The following EMC3 variants were observed in gnomAD, a reference collection of about 807,000 sequenced individuals.
The protein encoded by EMC3 is 30 kDa protein.
A neutral mutation model predicts 36.6 loss-of-function variants in EMC3; 13 were observed. The ratio of observed to expected loss-of-function variants is 0.35; its 90% CI spans 0.23 to 0.56. EMC3 has a LOEUF of 0.56. EMC3 is among the 20% of genes least tolerant of loss of function. EMC3 has a pLI of 0.84. For synonymous variants in EMC3, 120 were observed against 111.9 expected (o/e 1.07, Z -0.46); for missense variants, 220 against 324.5 (o/e 0.68, Z 2.47).
intron 5 of EMC3, among the ~76,000 whole-genome samples, chr3:9,971,634 T>C (rs1407124406): frequency 1.3e-5 from 2 of 152,208 alleles, no homozygotes; most frequent in Non-Finnish European, 2.9e-5. Flanking sequence ...TGAGAAAAGA[T>C]AAATAAGCTT....
chr3:10,005,105 C>G (rs1173148392), intron 1 of EMC3: 1 of 152,216 alleles, frequency 6.6e-6, no homozygotes, highest in East Asian at 1.9e-4. Flanking sequence ...AAATATCATT[C>G]AGCTCTTCCA....
chr3:9,997,032 A>G (rs1181398536), intron 1 of EMC3, among the ~76,000 whole-genome samples: 3 of 152,108 alleles, frequency 2.0e-5, no homozygotes, highest in Admixed American at 2.0e-4. Context: ...ATCCATTTCT[A>G]GAACTTCTGA....
chr3:9,969,877 C>T (rs2085768051), intron 6 of EMC3, 76 bp from the exon 7 acceptor site: 2 of 1,576,442 alleles, frequency 1.3e-6, no homozygotes, highest in African/African-American at 1.3e-5. Context: ...GAATGGGCTT[C>T]ACACAGATTA....
At position 9,974,451 on chromosome 3, in the gene EMC3, T is replaced by C; in HGVS notation, c.345A>G (p.Val115=). 6.2e-7 allele frequency: 1 copy of C among 1,613,660 alleles called. No individual in the cohort carries two copies. Among genetic ancestry groups the C allele is most frequent in the Non-Finnish European group, 8.5e-7 (1 of 1,179,528 alleles). The change falls in exon 4 of 8, where the codon GTA becomes GTG. Residue 115 remains valine (V), a synonymous_variant. Coordinates refer to ENST00000245046, the MANE Select transcript of EMC3 (RefSeq NM_001394674.1). ...TAAGAATCATAGGGAGGACATTTGT[T>C]ACATTCCCTTTCATCATGTCTGTCA... ...TMLTDMMKGN[V]TNVLPMILIG... is the part of the protein sequence containing the mutation.
intron 3 of EMC3, among the ~76,000 whole-genome samples, chr3:9,974,837 C>T (rs963121513): frequency 6.9e-5 from 9 of 131,044 alleles, no homozygotes; most frequent in South Asian, 2.7e-4. Context: ...GGATTACAGG[C>T]GGGAGCCACC....
chr3:9,987,296 C>G, upstream of EMC3: 1 of 985,274 alleles, frequency 1.0e-6, no homozygotes, highest in Non-Finnish European at 1.2e-6. Flanking sequence ...CGTAGTCTCT[C>G]GAGGCCCCGC....
At chr3:10,003,660 CAG>C (rs1249771965) in intron 1 of EMC3, 1 of 200,980 alleles carries the variant, frequency 5.0e-6, no homozygotes, top group Non-Finnish European at 1.0e-5. Context: ...CATCACTCTC[CAG>C]AGAGTGATAA....
At chr3:9,978,590 G>A (rs192794851) in intron 1 of EMC3, among the ~76,000 whole-genome samples, 423 of 152,224 alleles carry the variant, frequency 2.8e-3, no homozygotes, top group Non-Finnish European at 4.8e-3. Flanking sequence ...CCAGCACTTT[G>A]GGAGGCCGAG....
At chr3:9,966,159 C>T (rs2085734552) in intron 7 of EMC3, among the ~76,000 whole-genome samples, 1 of 151,872 alleles carries the variant, frequency 6.6e-6, no homozygotes, top group East Asian at 1.9e-4. Flanking sequence ...TCCTTACCGA[C>T]ACTTGTTATT....
chr3:9,970,726 TC>T, intron 5 of EMC3, 65 bp from the exon 6 acceptor site: 1 of 1,520,848 alleles, frequency 6.6e-7, no homozygotes, highest in Non-Finnish European at 9.1e-7. Context: ...AGTTCCCACT[TC>T]CCTACCACCC....
chr3:9,970,175 G>T (rs2085770860), intron 6 of EMC3, among the ~76,000 whole-genome samples: 1 of 152,194 alleles, frequency 6.6e-6, no homozygotes, highest in African/African-American at 2.4e-5. Context: ...AGTAAATAGA[G>T]AATTCGAAGT....
rs1475974771 is a variant in EMC3 at position 9,963,348 on chromosome 3, C to A, written c.*721G>T. 1 of 151,382 alleles carries A rather than the reference C, an allele frequency of 6.6e-6. No homozygotes were observed. The highest frequency in any genetic ancestry group is 1.5e-5 in the Non-Finnish European group (1 of 67,908). 9.4% of individuals were successfully genotyped at this position (151,382 alleles called of 1,614,324 possible). ...ATGGTAAAACACAGGGTGTTTGGAT[C>A]CCAAGAAAACAGGAGTTTACTGTGG... On this transcript the variant is annotated 3_prime_UTR_variant, in exon 8 of 8. Transcript: ENST00000245046.
intron 3 of EMC3, among the ~76,000 whole-genome samples, chr3:9,976,269 C>T (rs1472482557): frequency 6.6e-6 from 1 of 152,042 alleles, no homozygotes; most frequent in Non-Finnish European, 1.5e-5. Flanking sequence ...CCACGCTAGG[C>T]TAATTTTTGT....
At position 9,963,890 on chromosome 3, in the gene EMC3, C is replaced by A. The variant is rs2085712403; in HGVS notation, c.*179G>T. 4 of 921,106 alleles carry A rather than the reference C, an allele frequency of 4.3e-6. No homozygotes were observed. Among genetic ancestry groups the A allele is most frequent in the Non-Finnish European group, 6.4e-6 (4 of 620,478 alleles). 57.1% of individuals were successfully genotyped at this position (921,106 alleles called of 1,614,324 possible). The stretch of plus-strand genomic sequence containing the variant: ...TAAAAATAACAAGTTGCCCAGCATA[C>A]TCCTATTTCCTCTAGTTTCAAACAT... On this transcript the variant is annotated 3_prime_UTR_variant, in exon 8 of 8. Transcript: ENST00000245046.
intron 1 of EMC3, chr3:10,002,948 T>C (rs1559359739): frequency 2.2e-6 from 1 of 451,706 alleles, no homozygotes; most frequent in Non-Finnish European, 4.4e-6. Context: ...GAAATGTCCC[T>C]GGCTCAACAA....
chr3:10,000,303 G>C (rs1205844475), intron 1 of EMC3, among the ~76,000 whole-genome samples: 2 of 152,156 alleles, frequency 1.3e-5, no homozygotes, highest in African/African-American at 2.4e-5. Flanking sequence ...GCCTCCCAAA[G>C]TGCTAGGATT....
chr3:9,997,514 C>T (rs899331918), intron 1 of EMC3, among the ~76,000 whole-genome samples: 8 of 152,192 alleles, frequency 5.3e-5, no homozygotes, highest in Non-Finnish European at 1.0e-4. Flanking sequence ...CGCTGGAGCG[C>T]AGTGGCACGA....
Position 9,977,003 on chromosome 3 carries a change from A to G in EMC3, c.261T>C (p.Phe87=). The G allele has an allele frequency of 1.9e-6, 3 of 1,612,816 alleles. No individual in the cohort carries two copies. The highest frequency in any genetic ancestry group is 2.5e-6 in the Non-Finnish European group (3 of 1,179,702). ...CTACCTTCCGTTTAGTTTTTTTGAAAAATCCATCCTCTGGGTTGTTGAAAT... is the reference window on the plus strand; with the variant it reads ...CTACCTTCCGTTTAGTTTTTTTGAAGAATCCATCCTCTGGGTTGTTGAAAT... ...KYYFNNPEDG[F]FKKTKRKVVP... Residue 87 remains phenylalanine (F), a synonymous_variant, in exon 3 of 8, where the codon TTT becomes TTC. Transcript: ENST00000245046.
chr3:9,970,802 C>T, intron 5 of EMC3, 141 bp from the exon 6 acceptor site: 1 of 718,196 alleles, frequency 1.4e-6, no homozygotes, highest in South Asian at 1.7e-5. Flanking sequence ...AGCACAACCA[C>T]AGAAGAAATA....
Sources: gnomAD v4.1 joint callset for allele counts (sites outside exome capture counted in the v4.1 genomes callset) on GRCh38, gnomAD v4.1.1 for gene constraint, MANE v1.5 for transcripts, NCBI Gene and HGNC (gene_info 2026-07-23, HGNC 2026-07-21) for gene names.